The following MMRN2 variants were observed in gnomAD, a reference collection of about 807,000 sequenced individuals.
MMRN2 encodes multimerin-2.
A neutral mutation model predicts 68.8 loss-of-function variants in MMRN2; 53 were observed. That is an observed-to-expected ratio of 0.77 (90% CI 0.62 to 0.97). The LOEUF (loss-of-function observed/expected upper bound fraction) is 0.97, where lower values mean the gene tolerates loss of function less well. Ranked by LOEUF, MMRN2 falls within the 50% of genes least tolerant of loss-of-function variation. MMRN2 has a pLI of 0.00. For synonymous variants in MMRN2, 564 were observed against 551.6 expected, an observed-to-expected ratio of 1.02 and a Z score of -0.32; for missense variants, 1,266 against 1,259.5, an observed-to-expected ratio of 1.01 and a Z score of -0.08.
chr10:86,955,844 A>G (rs755772164), intron 1 of MMRN2, among the ~76,000 whole-genome samples: 1 of 152,108 alleles, frequency 6.6e-6, no homozygotes, highest in Non-Finnish European at 1.5e-5. Context: ...ACACCTGGGC[A>G]TTCCTGGGCC....
rs1843986343 is a variant in MMRN2 at position 86,942,448 on chromosome 10, C to G, written c.2336G>C (p.Arg779Thr). 1 of 1,614,076 alleles carries G rather than the reference C, an allele frequency of 6.2e-7. No individual in the cohort carries two copies. The highest frequency in any genetic ancestry group is 1.3e-5 in the African/African-American group (1 of 74,954). Residue 779 changes from arginine (R) to threonine (T), a missense_variant, in exon 6 of 7, where the codon AGG (arginine) becomes ACG (threonine). Physicochemically the swap from Arg to Thr is moderately conservative, Grantham distance 71. Coordinates refer to ENST00000372027, the MANE Select transcript of MMRN2 (RefSeq NM_024756.3). ...DLGKLQTMLS[R>T]KGKKQQKDLE... ...GTCTTTCTGCTGCTTCTTCCCTTTC[C>G]TGCTCAGCATGGTCTGCAGCTTCCC... is the stretch of plus-strand genomic sequence containing the variant.
Position 86,944,255 on chromosome 10 carries a change from C to T in MMRN2, c.655+7G>A. The T allele has an allele frequency of 1.2e-6, 2 of 1,601,710 alleles. No individual in the cohort carries two copies. Among genetic ancestry groups the T allele is most frequent in the South Asian group, 1.1e-5 (1 of 90,298 alleles). ...CTCTTCCTCAGCCCCTAGAGCCTGC[C>T]ACTCACCGTGCCCTGTTTGATTTGC... is the stretch of plus-strand genomic sequence containing the variant. On this transcript the variant is annotated splice_region_variant and intron_variant, in intron 5 of 6. Coordinates refer to ENST00000372027, the MANE Select transcript of MMRN2 (RefSeq NM_024756.3).
intron 1 of MMRN2, among the ~76,000 whole-genome samples, chr10:86,950,113 G>A (rs894755624): frequency 3.9e-5 from 6 of 151,976 alleles, no homozygotes; most frequent in Non-Finnish European, 5.9e-5. Context: ...TTGGGAGGCC[G>A]AAGCAGGCGG....
chr10:86,953,830 G>A (rs1213697133), intron 1 of MMRN2, among the ~76,000 whole-genome samples: 3 of 152,220 alleles, frequency 2.0e-5, no homozygotes, highest in African/African-American at 7.2e-5. Flanking sequence ...GGTCCAGCCT[G>A]CCAGGAGTGA....
In MMRN2 at chr10:86,942,986, G is replaced by T; in HGVS notation, c.1798C>A (p.Leu600Met). The T allele has an allele frequency of 6.8e-7, 1 of 1,470,826 alleles. No homozygotes were observed. The highest frequency in any genetic ancestry group is 9.0e-7 in the Non-Finnish European group (1 of 1,111,624). 91.1% of individuals were successfully genotyped at this position (1,470,826 alleles called of 1,614,324 possible). ...GCCTCGTGCCGCAGCGCGTCCTCCAGCAGGGCGGCGAAGGCGCTGTGCAGC... is the reference window on the plus strand; with the variant it reads ...GCCTCGTGCCGCAGCGCGTCCTCCATCAGGGCGGCGAAGGCGCTGTGCAGC... ...RQLHSAFAAL[L>M]EDALRHEAVL... Residue 600 changes from leucine (L) to methionine (M), a missense_variant, in exon 6 of 7, where the codon CTG becomes ATG. By Grantham distance (15) the Leu-to-Met change is conservative. Coordinates refer to ENST00000372027, the MANE Select transcript of MMRN2 (RefSeq NM_024756.3).
rs150005124 is a variant in MMRN2, at chr10:86,957,386, G to A, written c.156C>T (p.Pro52=). Residue 52 remains proline (P), a synonymous_variant, in exon 1 of 7, where the codon CCC becomes CCT. Coordinates refer to ENST00000372027, the MANE Select transcript of MMRN2 (RefSeq NM_024756.3). ...KAEAEDTGKD[P]VGRNWCPYPM... is the part of the protein sequence containing the mutation. ...GGTCCAGGCCCTCTTACCGTCCTAC[G>A]GGGTCCTTGCCGGTGTCCTCAGCCT... 1.8e-5 allele frequency: 29 copies of A among 1,613,094 alleles called. No individual in the cohort carries two copies. The highest frequency in any genetic ancestry group is 1.2e-4 in the African/African-American group (9 of 75,044).
At position 86,943,291 on chromosome 10, in the gene MMRN2, T is replaced by C. The variant is rs1729573925; in HGVS notation, c.1493A>G (p.Tyr498Cys). 3 of 1,613,592 alleles carry C rather than the reference T, an allele frequency of 1.9e-6. No homozygotes were observed. The highest frequency in any genetic ancestry group is 1.1e-5 in the South Asian group (1 of 91,088). The change falls in exon 6 of 7, where the codon TAT becomes TGT. Residue 498 changes from tyrosine (Y) to cysteine (C), a missense_variant. Tyr to Cys is a radical substitution (Grantham distance 194). Transcript: ENST00000372027. The surrounding 1 kb of genome is among the most constrained non-coding windows in gnomAD (Gnocchi z 4.2). ...YVKDCNCQKL[Y>C]LDLDVIREGQ... ...CTCCCGGATGACGTCCAGGTCTAAA[T>C]AGAGCTTCTGGCAATTGCAGTCCTT...
rs1843994194 is a variant in MMRN2, at chr10:86,942,768, C to T, written c.2016G>A (p.Pro672=). ...VTALEQASEP[P]RPAEHLEPSH... is the part of the protein sequence containing the mutation. ...TGGGCTCCAGGTGCTCTGCCGGCCGCGGGGGCTCCGAGGCCTGCTCCAGGG... is the reference window on the plus strand; with the variant it reads ...TGGGCTCCAGGTGCTCTGCCGGCCGTGGGGGCTCCGAGGCCTGCTCCAGGG... Residue 672 remains proline, a synonymous_variant, in exon 6 of 7, where the codon CCG becomes CCA. Coordinates refer to ENST00000372027, the MANE Select transcript of MMRN2 (RefSeq NM_024756.3). 2 of 1,371,692 alleles carry T rather than the reference C, an allele frequency of 1.5e-6. No individual in the cohort carries two copies. The highest frequency in any genetic ancestry group is 3.6e-5 in the Admixed American group (1 of 27,464). The allele number at this position is 1,371,692 out of a possible 1,614,324, so 85.0% of individuals were successfully genotyped here.
intron 1 of MMRN2, among the ~76,000 whole-genome samples, chr10:86,952,410 C>T (rs960730667): frequency 5.3e-5 from 8 of 152,232 alleles, no homozygotes; most frequent in African/African-American, 1.7e-4. Flanking sequence ...TGGGGGAACC[C>T]ACTCCCAATA....
chr10:86,937,321 A>G (rs1392456270), intron 6 of MMRN2, among the ~76,000 whole-genome samples, 196 bp from the exon 7 acceptor site: 1 of 151,898 alleles, frequency 6.6e-6, no homozygotes, highest in Middle Eastern at 3.2e-3. Flanking sequence ...ACTAATAGAG[A>G]GGAAGGAAAA....
intron 1 of MMRN2, among the ~76,000 whole-genome samples, chr10:86,954,861 C>G (rs972011034): frequency 6.6e-6 from 1 of 152,102 alleles, no homozygotes; most frequent in African/African-American, 2.4e-5. Context: ...GGGGGAGGAA[C>G]AAGTGCAAAA....
Position 86,937,928 on chromosome 10 carries a change from C to A in MMRN2, c.2468-803G>T, listed in dbSNP as rs191159248. ...GCAGGTGGAGCCAGGGAAGAGAAGC[C>A]CCTTCAAGCTGGTCTTCTTTTTTTT... On this transcript the variant is annotated intron_variant, in intron 6 of 6. Coordinates refer to ENST00000372027, the MANE Select transcript of MMRN2 (RefSeq NM_024756.3). Among the ~76,000 whole-genome samples the A allele has an allele frequency of 4.7e-3, 718 of 151,686 alleles. 8 individuals carry two copies. Among genetic ancestry groups the A allele is most frequent in the Non-Finnish European group, 4.8e-3 (323 of 67,894 alleles).
rs1250130755 is a variant in MMRN2 at position 86,945,486 on chromosome 10, G to A, written c.294-10C>T. The A allele has an allele frequency of 5.8e-6, 9 of 1,556,452 alleles. No individual in the cohort carries two copies. The East Asian group carries it at 1.7e-4, about 29-fold the overall frequency. On this transcript the variant is annotated splice_polypyrimidine_tract_variant and intron_variant, in intron 2 of 6. Coordinates refer to ENST00000372027, the MANE Select transcript of MMRN2 (RefSeq NM_024756.3). ...GTGGGCCATGCGGTACCTGGAAGAGGAGAAGGGCTGGCTCAGTGATTCCAG... is the reference window on the plus strand; with the variant it reads ...GTGGGCCATGCGGTACCTGGAAGAGAAGAAGGGCTGGCTCAGTGATTCCAG...
intron 1 of MMRN2, among the ~76,000 whole-genome samples, chr10:86,953,884 G>A (rs142309340): frequency 3.6e-4 from 55 of 152,292 alleles, no homozygotes; most frequent in Admixed American, 1.9e-3. Flanking sequence ...AAACTATGCC[G>A]CCCACCCTTC....
intron 1 of MMRN2, among the ~76,000 whole-genome samples, chr10:86,947,183 A>C (rs1035197120): frequency 3.9e-5 from 6 of 152,234 alleles, no homozygotes; most frequent in Admixed American, 3.9e-4. Context: ...ACTTGGACTG[A>C]GTGATGGTGG....
At chr10:86,941,583 A>T (rs776516772) in intron 6 of MMRN2, among the ~76,000 whole-genome samples, 5 of 151,978 alleles carry the variant, frequency 3.3e-5, no homozygotes, top group Non-Finnish European at 7.4e-5. Context: ...AGATTACTTG[A>T]TCCCAGGAAT....
chr10:86,948,902 G>C (rs1844107317), intron 1 of MMRN2: 1 of 152,226 alleles, frequency 6.6e-6, no homozygotes, highest in Non-Finnish European at 1.5e-5. Flanking sequence ...GCTTCAGTGA[G>C]CTATGATTGC....
chr10:86,952,440 T>C (rs945921559), intron 1 of MMRN2, among the ~76,000 whole-genome samples: 4 of 152,214 alleles, frequency 2.6e-5, no homozygotes, highest in African/African-American at 9.6e-5. Context: ...ACATTCTTTC[T>C]ATTTTCCCTA....
intron 4 of MMRN2, chr10:86,944,640 A>T (rs1844040167): frequency 1.7e-6 from 1 of 572,250 alleles, no homozygotes; most frequent in African/African-American, 1.9e-5. Flanking sequence ...TACAGCAGAC[A>T]TGACTAATCA....
Sources: gnomAD v4.1 joint callset for allele counts (sites outside exome capture counted in the v4.1 genomes callset) on GRCh38, gnomAD v4.1.1 for gene constraint, Gnocchi (gnomAD v3.1) non-coding constraint, MANE v1.5 for transcripts, NCBI Gene and HGNC (gene_info 2026-07-23, HGNC 2026-07-21) for gene names.